RELN: variants seen among roughly 807,000 people sequenced by gnomAD.
RELN encodes reelin.
Under a neutral mutation model 427.6 loss-of-function variants are expected in RELN, and 108 were observed. The ratio of observed to expected loss-of-function variants is 0.25; its 90% CI spans 0.22 to 0.30. RELN has a LOEUF of 0.30. Among genes scored for constraint, RELN ranks in the 10% least tolerant of loss-of-function variants. The probability of loss-of-function intolerance (pLI) is 1.00; values close to 1 mark genes in which losing one functional copy is unlikely to be tolerated. For synonymous variants in RELN, 1,524 were observed against 1,513.4 expected, an observed-to-expected ratio of 1.01 and a Z score of -0.16; for missense variants, 3,715 against 4,302.8, an observed-to-expected ratio of 0.86 and a Z score of 3.82.
At chr7:103,939,669 G>C (rs1243078949) in intron 1 of RELN, among the ~76,000 whole-genome samples, 2 of 152,160 alleles carry the variant, frequency 1.3e-5, no homozygotes, top group Non-Finnish European at 2.9e-5. Context: ...CACACAGCCA[G>C]AGATTTATGT....
intron 27 of RELN, among the ~76,000 whole-genome samples, chr7:103,590,491 C>T (rs967114300): frequency 2.6e-5 from 4 of 151,810 alleles, no homozygotes; most frequent in Non-Finnish European, 1.5e-5. Context: ...ACCTGGGAGG[C>T]GGAGGTTGCA....
intron 41 of RELN, among the ~76,000 whole-genome samples, chr7:103,547,173 T>C (rs1401629373): frequency 6.6e-6 from 1 of 152,230 alleles, no homozygotes; most frequent in Admixed American, 6.5e-5. Flanking sequence ...AATAGTTTTC[T>C]GTTTGAGAAA....
intron 4 of RELN, among the ~76,000 whole-genome samples, chr7:103,770,391 A>C (rs1278613625): frequency 2.0e-5 from 3 of 152,076 alleles, no homozygotes; most frequent in Non-Finnish European, 2.9e-5. Flanking sequence ...GCCCAGCCCA[A>C]ATCTTACAAT....
chr7:103,556,714 T>C (rs925294337), intron 38 of RELN, among the ~76,000 whole-genome samples: 4 of 152,198 alleles, frequency 2.6e-5, no homozygotes, highest in Admixed American at 2.6e-4. Context: ...ACATGCCTTT[T>C]GCCTCCCGCC....
rs80001017 is a variant in RELN, at chr7:103,645,613, C to T, written c.2002+4661G>A. On this transcript the variant is annotated intron_variant, in intron 16 of 64. Transcript: ENST00000428762. The stretch of plus-strand genomic sequence containing the variant: ...AATACATATGCACCCAACACTGGAA[C>T]GTACAGATTCACAGAACAAATACTA... Among the ~76,000 whole-genome samples, 453 of 151,900 alleles carry T rather than the reference C, an allele frequency of 3.0e-3. 1 individual carries two copies. Among genetic ancestry groups the T allele is most frequent in the Middle Eastern group, 6.8e-3 (2 of 294 alleles).
intron 1 of RELN, among the ~76,000 whole-genome samples, chr7:103,959,619 TTC>T (rs1201846295): frequency 4.6e-5 from 7 of 152,144 alleles, no homozygotes; most frequent in Admixed American, 1.3e-4. Flanking sequence ...CTCTCTTTTT[TTC>T]TTTTTCTGAG....
intron 28 of RELN, among the ~76,000 whole-genome samples, chr7:103,584,777 A>G (rs1562905617): frequency 6.6e-6 from 1 of 152,332 alleles, no homozygotes; most frequent in African/African-American, 2.4e-5. Flanking sequence ...ACTTCTGCAC[A>G]TGGAACATTC....
At chr7:103,539,352 C>T in intron 44 of RELN, 25 bp from the exon 45 acceptor site, 1 of 1,608,512 alleles carries the variant, frequency 6.2e-7, no homozygotes, top group South Asian at 1.1e-5. Context: ...TAAAAAATCC[C>T]AAATTTTCCA....
chr7:103,814,917 T>C lies in RELN; in HGVS notation c.473+18620A>G, dbSNP rs545116589. 8.5e-5 allele frequency among the ~76,000 whole-genome samples: 13 copies of C among 152,282 alleles called. No individual in the cohort carries two copies. The South Asian group carries it at 2.7e-3, about 32-fold the overall frequency. Reference sequence around the variant, plus strand: ...CTATTTAGCAATGTTTCTAAAAAGATAGTATTATCCAAGCTAATTTATACA... The same window carrying C: ...CTATTTAGCAATGTTTCTAAAAAGACAGTATTATCCAAGCTAATTTATACA... On this transcript the variant is annotated intron_variant, in intron 3 of 64. Coordinates refer to ENST00000428762, the MANE Select transcript of RELN (RefSeq NM_005045.4).
chr7:103,856,009 A>G (rs1037573319), intron 2 of RELN, among the ~76,000 whole-genome samples: 1 of 152,166 alleles, frequency 6.6e-6, no homozygotes, highest in African/African-American at 2.4e-5. Context: ...CAAGGGAATG[A>G]AGAAGAACCC....
chr7:103,802,835 G>A (rs1792502182), intron 3 of RELN, among the ~76,000 whole-genome samples: 1 of 152,074 alleles, frequency 6.6e-6, no homozygotes, highest in Admixed American at 6.6e-5. Context: ...TTCCTGCAAT[G>A]CTTGTATTAC....
chr7:103,788,419 C>T (rs572214054), intron 3 of RELN, among the ~76,000 whole-genome samples: 208 of 152,096 alleles, frequency 1.4e-3, no homozygotes, highest in South Asian at 3.5e-3. Flanking sequence ...GCAGATGACA[C>T]GATTGTATAT....
intron 34 of RELN, among the ~76,000 whole-genome samples, chr7:103,562,876 T>A (rs1246020149): frequency 6.6e-6 from 1 of 152,180 alleles, no homozygotes; most frequent in African/African-American, 2.4e-5. Flanking sequence ...TCCTCCATTG[T>A]CTGTCCTCTT....
rs115973102 is a variant in RELN, at chr7:103,793,246, A to G, written c.474-16619T>C. ...TAAATTATTGATGTAATGATTAATT[A>G]AAAGTCCCTTTAAGTCATCTAGCAT... is the stretch of plus-strand genomic sequence containing the variant. On this transcript the variant is annotated intron_variant, in intron 3 of 64. Transcript: ENST00000428762. 9.3e-3 allele frequency among the ~76,000 whole-genome samples: 1,423 copies of G among 152,352 alleles called. 23 individuals are homozygous for G. Among genetic ancestry groups the G allele is most frequent in the African/African-American group, 0.029 (1,206 of 41,580 alleles).
chr7:103,520,870 G>GAATATA (rs1156932899), intron 48 of RELN, among the ~76,000 whole-genome samples: 4 of 146,180 alleles, frequency 2.7e-5, no homozygotes, highest in African/African-American at 1.0e-4. Flanking sequence ...CTAAAATGTT[G>GAATATA]AATATAAATA....
intron 4 of RELN, among the ~76,000 whole-genome samples, chr7:103,774,254 G>A (rs1301015668): frequency 1.4e-5 from 2 of 147,346 alleles, no homozygotes; most frequent in African/African-American, 5.0e-5. Context: ...CCGAGATTAC[G>A]TCACTGCACT....
At chr7:103,868,240 C>T (rs2116515869) in intron 2 of RELN, among the ~76,000 whole-genome samples, 1 of 152,108 alleles carries the variant, frequency 6.6e-6, no homozygotes, top group East Asian at 1.9e-4. Context: ...AGCCTCAAAC[C>T]GAGCAAGCTA....
At chr7:103,707,517 T>TG (rs1834230835) in intron 8 of RELN, among the ~76,000 whole-genome samples, 1 of 151,728 alleles carries the variant, frequency 6.6e-6, no homozygotes, top group African/African-American at 2.4e-5. Flanking sequence ...TTTTTTTTTT[T>TG]GAGATGGAGT....
chr7:103,639,245 T>C (rs539724298), intron 17 of RELN, among the ~76,000 whole-genome samples: 1 of 152,284 alleles, frequency 6.6e-6, no homozygotes, highest in African/African-American at 2.4e-5. Context: ...AGCTTTTCAA[T>C]TCTTCACATA....
Sources: allele counts gnomAD v4.1 joint callset (sites outside exome capture counted in the v4.1 genomes callset), GRCh38; gene constraint gnomAD v4.1.1; transcripts MANE v1.5; gene names NCBI Gene and HGNC (gene_info 2026-07-23, HGNC 2026-07-21).